ANAPC1: variants seen among roughly 807,000 people sequenced by gnomAD.
The protein encoded by ANAPC1 is anaphase-promoting complex subunit 1.
In ANAPC1, 36 loss-of-function variants were observed where a neutral mutation model predicts 208.0. That is an observed-to-expected ratio of 0.17 (90% CI 0.13 to 0.23). The LOEUF (loss-of-function observed/expected upper bound fraction) is 0.23, where lower values mean the gene tolerates loss of function less well. ANAPC1 is among the 10% of genes least tolerant of loss of function. ANAPC1 has a pLI of 1.00. For synonymous variants in ANAPC1, 378 were observed against 695.2 expected, an observed-to-expected ratio of 0.54 and a Z score of 7.18; for missense variants, 942 against 2,011.6, an observed-to-expected ratio of 0.47 and a Z score of 10.17.
At chr2:111,842,439 C>G (rs971289036) in intron 17 of ANAPC1, among the ~76,000 whole-genome samples, 12 of 151,974 alleles carry the variant, frequency 7.9e-5, no homozygotes, top group African/African-American at 2.7e-4. Flanking sequence ...GTCAGGAGAT[C>G]AAGACCATCC....
At chr2:111,854,170 T>C (rs6729016) in intron 13 of ANAPC1, among the ~76,000 whole-genome samples, 88,406 of 152,036 alleles carry the variant, frequency 0.58, 26,640 homozygotes, top group South Asian at 0.69. Flanking sequence ...GAAAACAACA[T>C]TCATCTCCTG....
intron 7 of ANAPC1, 122 bp downstream of exon 7, chr2:111,867,901 T>C: frequency 3.5e-6 from 2 of 564,352 alleles, no homozygotes; most frequent in Non-Finnish European, 6.1e-6. Context: ...AAATAGAAGT[T>C]ATTTTTGTAA....
intron 46 of ANAPC1, among the ~76,000 whole-genome samples, chr2:111,775,197 T>C (rs912240840): frequency 2.4e-4 from 37 of 151,404 alleles, no homozygotes; most frequent in African/African-American, 9.0e-4. Context: ...ACCCAGGAGG[T>C]GGAGGTTGCA....
intron 3 of ANAPC1, among the ~76,000 whole-genome samples, chr2:111,874,120 A>G (rs1368509256): frequency 6.6e-6 from 1 of 152,180 alleles, no homozygotes; most frequent in Non-Finnish European, 1.5e-5. Context: ...AAAAGTCTTT[A>G]GAAAAACTAA....
chr2:111,832,305 GAAAAAAAAA>G lies in ANAPC1; in HGVS notation c.2477-880_2477-872del, dbSNP rs11431305. Among the ~76,000 whole-genome samples the G allele has an allele frequency of 3.9e-5, 3 of 76,822 alleles. No homozygotes were observed. In the South Asian group the frequency reaches 1.5e-3, roughly 38 times the overall value. The allele number at this position is 76,822 out of a possible 152,430, so 50.4% of individuals were successfully genotyped here. ...GCGACAGAGTGAGACCCTGTCTCAA[GAAAAAAAAA>G]AAAAAAAAAAGAAGAATCTAATCAA... is the stretch of plus-strand genomic sequence containing the variant. On this transcript the variant is annotated intron_variant, in intron 20 of 47. Coordinates refer to ENST00000341068, the MANE Select transcript of ANAPC1 (RefSeq NM_022662.4).
intron 42 of ANAPC1, among the ~76,000 whole-genome samples, chr2:111,783,290 T>C (rs530483833): frequency 3.3e-5 from 5 of 152,228 alleles, no homozygotes; most frequent in Non-Finnish European, 7.3e-5. Context: ...AATCCCCACA[T>C]GTCAGGAGAG....
At chr2:111,851,204 G>C (rs931889117) in intron 13 of ANAPC1, among the ~76,000 whole-genome samples, 3 of 151,856 alleles carry the variant, frequency 2.0e-5, no homozygotes, top group African/African-American at 7.3e-5. Flanking sequence ...CCAGGCTCAA[G>C]TGATCCTCCC....
At chr2:111,833,806 A>ATTTAATCAAT (rs1680320623) in intron 19 of ANAPC1, among the ~76,000 whole-genome samples, 2 of 152,162 alleles carry the variant, frequency 1.3e-5, no homozygotes, top group South Asian at 2.1e-4. Context: ...ACATCCTAAG[A>ATTTAATCAAT]GATATTTACC....
intron 2 of ANAPC1, among the ~76,000 whole-genome samples, chr2:111,879,207 T>C (rs1683171691): frequency 6.6e-6 from 1 of 152,196 alleles, no homozygotes; most frequent in African/African-American, 2.4e-5. Context: ...TATATTACTC[T>C]GCCAAAAACA....
At chr2:111,850,495 T>A (rs1373980222) in intron 14 of ANAPC1, among the ~76,000 whole-genome samples, 1 of 151,656 alleles carries the variant, frequency 6.6e-6, no homozygotes, top group Non-Finnish European at 1.5e-5. Context: ...TCATGAGTCT[T>A]TCTTAAATTC....
chr2:111,864,908 T>C lies in ANAPC1; in HGVS notation c.729A>G (p.Ala243=), dbSNP rs1682321900. 1 of 1,611,532 alleles carries C rather than the reference T, an allele frequency of 6.2e-7. No individual in the cohort carries two copies. Among genetic ancestry groups the C allele is most frequent in the Non-Finnish European group, 8.5e-7 (1 of 1,179,768 alleles). ...SSRVQYVVDH[A]MKIVFLNTDP... ...CAGTATTGAGGAAAACAATTTTCAT[T>C]GCATGATCTACAACATATTGCACCC... Residue 243 remains alanine, a synonymous_variant, in exon 8 of 48, where the codon GCA becomes GCG. Transcript: ENST00000341068.
intron 34 of ANAPC1, among the ~76,000 whole-genome samples, chr2:111,797,017 G>GT (rs1325702938): frequency 2.6e-5 from 4 of 151,616 alleles, no homozygotes; most frequent in East Asian, 1.9e-4. Context: ...TGTTTTTTGT[G>GT]TTTTTTTGTT....
At position 111,857,977 on chromosome 2, in the gene ANAPC1, T is replaced by G. The variant is rs540980284; in HGVS notation, c.1358+329A>C. On this transcript the variant is annotated intron_variant, in intron 11 of 47. Coordinates refer to ENST00000341068, the MANE Select transcript of ANAPC1 (RefSeq NM_022662.4). ...ACTGTGTGTACATACATTATATATATATAAATGTCCAGAAAAATTAATCTA... is the reference window on the plus strand; with the variant it reads ...ACTGTGTGTACATACATTATATATAGATAAATGTCCAGAAAAATTAATCTA... 6.6e-5 allele frequency among the ~76,000 whole-genome samples: 10 copies of G among 151,894 alleles called. No individual in the cohort carries two copies. The East Asian group carries it at 1.9e-3, about 29-fold the overall frequency.
At chr2:111,788,432 T>C (rs1335008655) in intron 38 of ANAPC1, 112 bp from the exon 39 acceptor site, 3 of 1,431,062 alleles carry the variant, frequency 2.1e-6, no homozygotes, top group East Asian at 2.6e-5. Context: ...ACTGATAAGA[T>C]GCCCTCATAA....
At chr2:111,881,147 T>C (rs1275562537) in intron 1 of ANAPC1, among the ~76,000 whole-genome samples, 3 of 152,054 alleles carry the variant, frequency 2.0e-5, no homozygotes, top group South Asian at 2.1e-4. Flanking sequence ...AATTTTTCCA[T>C]ACTTTATATA....
chr2:111,857,372 A>G (rs186647471), intron 11 of ANAPC1, among the ~76,000 whole-genome samples: 26 of 152,342 alleles, frequency 1.7e-4, no homozygotes, highest in Non-Finnish European at 3.2e-4. Context: ...TCAAAATATG[A>G]AGGTAAATAA....
chr2:111,833,491 C>T (rs1317960812), intron 19 of ANAPC1, among the ~76,000 whole-genome samples, 180 bp from the exon 20 acceptor site: 1 of 151,726 alleles, frequency 6.6e-6, no homozygotes, highest in Non-Finnish European at 1.5e-5. Context: ...AAATGGAACC[C>T]AATCTCTTTT....
chr2:111,792,851 G>A (rs1003242572), intron 37 of ANAPC1, among the ~76,000 whole-genome samples: 3 of 152,140 alleles, frequency 2.0e-5, no homozygotes, highest in African/African-American at 7.2e-5. Flanking sequence ...TGCTCGGGAG[G>A]CTGAGGCAGA....
At chr2:111,798,890 A>C (rs1375555749) in intron 34 of ANAPC1, among the ~76,000 whole-genome samples, 1 of 152,054 alleles carries the variant, frequency 6.6e-6, no homozygotes, top group Non-Finnish European at 1.5e-5. Flanking sequence ...AAAAATTAGC[A>C]GGGCATGGTG....
Sources: allele counts gnomAD v4.1 joint callset (sites outside exome capture counted in the v4.1 genomes callset), GRCh38; gene constraint gnomAD v4.1.1; transcripts MANE v1.5; gene names NCBI Gene and HGNC (gene_info 2026-07-23, HGNC 2026-07-21).